The following LHFPL3 variants were observed in gnomAD, a reference collection of about 807,000 sequenced individuals.
The protein encoded by LHFPL3 is LHFPL tetraspan subfamily member 3.
In LHFPL3, 5 loss-of-function variants were observed where a neutral mutation model predicts 19.3. The observed-to-expected ratio is 0.26, with a 90% CI of 0.14 to 0.54. LHFPL3 has a LOEUF of 0.54. Among genes scored for constraint, LHFPL3 ranks in the 20% least tolerant of loss-of-function variants. The pLI is 0.94. For synonymous variants in LHFPL3, 133 were observed against 126.2 expected, an observed-to-expected ratio of 1.05 and a Z score of -0.36; for missense variants, 249 against 307.4, an observed-to-expected ratio of 0.81 and a Z score of 1.42.
At chr7:104,522,392 TG>T (rs1794087762) in intron 1 of LHFPL3, among the ~76,000 whole-genome samples, 1 of 32,004 alleles carries the variant, frequency 3.1e-5, no homozygotes, top group African/African-American at 1.3e-4. Flanking sequence ...TGTTGTGGGG[TG>T]GGGGGAGGGG....
At chr7:104,879,037 G>A (rs557772119) in intron 2 of LHFPL3, among the ~76,000 whole-genome samples, 3 of 152,312 alleles carry the variant, frequency 2.0e-5, no homozygotes, top group East Asian at 3.9e-4. Flanking sequence ...GCTGAGAGAG[G>A]TGAGGAAGTT....
intron 1 of LHFPL3, among the ~76,000 whole-genome samples, chr7:104,666,378 C>G (rs2116011202): frequency 6.6e-6 from 1 of 152,046 alleles, no homozygotes; most frequent in East Asian, 1.9e-4. Context: ...CTCTCTATCT[C>G]TATGAGATCA....
chr7:104,784,639 G>C (rs1789875300), intron 2 of LHFPL3, among the ~76,000 whole-genome samples: 1 of 152,174 alleles, frequency 6.6e-6, no homozygotes, highest in African/African-American at 2.4e-5. Context: ...ATCTCAAAGA[G>C]ATATTTGTAC....
chr7:104,565,243 C>T (rs914412222), intron 1 of LHFPL3, among the ~76,000 whole-genome samples: 3 of 152,158 alleles, frequency 2.0e-5, no homozygotes, highest in Middle Eastern at 3.2e-3. Context: ...CTTTATTCAG[C>T]TCTGTGGCTC....
intron 2 of LHFPL3, among the ~76,000 whole-genome samples, chr7:104,831,200 A>G (rs181622070): frequency 1.8e-4 from 25 of 140,020 alleles, no homozygotes; most frequent in Admixed American, 1.6e-3. Context: ...TCAAAATAGT[A>G]TATCGTCAAG....
rs112734639 is a variant in LHFPL3, at chr7:104,817,452, A to G, written c.682+80541A>G. On this transcript the variant is annotated intron_variant, in intron 2 of 2. Coordinates refer to ENST00000424859, the MANE Select transcript of LHFPL3 (RefSeq NM_199000.3). ...GGAAGTTTTCTCATGTAAACACCAC[A>G]TCTTTAAACAACCTTCCCCTTCAAT... Among the ~76,000 whole-genome samples the G allele has an allele frequency of 1.5e-3, 231 of 152,252 alleles. 4 individuals carry two copies. Among genetic ancestry groups the G allele is most frequent in the African/African-American group, 5.4e-3 (224 of 41,544 alleles).
At chr7:104,646,371 T>C (rs1429586511) in intron 1 of LHFPL3, among the ~76,000 whole-genome samples, 4 of 152,216 alleles carry the variant, frequency 2.6e-5, no homozygotes, top group Non-Finnish European at 5.9e-5. Flanking sequence ...TTAACATTCT[T>C]TAAGCTATCA....
intron 1 of LHFPL3, among the ~76,000 whole-genome samples, chr7:104,709,915 C>T (rs1015844654): frequency 5.9e-5 from 9 of 151,866 alleles, no homozygotes; most frequent in Middle Eastern, 3.4e-3. Flanking sequence ...ACTTCCCAGA[C>T]GGGGTGGCGG....
chr7:104,525,827 G>A (rs932721071), intron 1 of LHFPL3, among the ~76,000 whole-genome samples: 1 of 151,960 alleles, frequency 6.6e-6, no homozygotes, highest in African/African-American at 2.4e-5. Flanking sequence ...GGCTGATCTC[G>A]AACTCCTGAC....
At chr7:104,575,984 G>T (rs931106078) in intron 1 of LHFPL3, among the ~76,000 whole-genome samples, 43 of 152,058 alleles carry the variant, frequency 2.8e-4, no homozygotes, top group African/African-American at 9.9e-4. Flanking sequence ...TGTTTAATAT[G>T]TCCCTCTCCT....
chr7:104,404,030 C>T (rs572106166), intron 1 of LHFPL3, among the ~76,000 whole-genome samples: 1 of 152,278 alleles, frequency 6.6e-6, no homozygotes, highest in Admixed American at 6.5e-5. Context: ...TGTGGCTGCC[C>T]TTGTTCTATA....
intron 1 of LHFPL3, among the ~76,000 whole-genome samples, chr7:104,470,710 A>G (rs1792890298): frequency 6.6e-6 from 1 of 152,182 alleles, no homozygotes. Flanking sequence ...TAGAAATCTG[A>G]ACCCAGGAAG....
intron 2 of LHFPL3, among the ~76,000 whole-genome samples, chr7:104,852,716 G>C (rs1436229523): frequency 6.6e-6 from 1 of 152,230 alleles, no homozygotes; most frequent in Non-Finnish European, 1.5e-5. Context: ...CCCCAGTCTT[G>C]ACATTGTTAA....
chr7:104,702,875 C>T lies in LHFPL3; in HGVS notation c.446-33800C>T, dbSNP rs530225238. Among the ~76,000 whole-genome samples the T allele has an allele frequency of 7.9e-5, 12 of 152,326 alleles. No homozygotes were observed. The East Asian group carries it at 2.3e-3, about 29-fold the overall frequency. On this transcript the variant is annotated intron_variant, in intron 1 of 2. Transcript: ENST00000424859. ...CTCTTCCACATTGTTTCATCATTTACTGCTTGTCTAACTGTTCCCATGCTT... is the reference window on the plus strand; with the variant it reads ...CTCTTCCACATTGTTTCATCATTTATTGCTTGTCTAACTGTTCCCATGCTT...
intron 1 of LHFPL3, among the ~76,000 whole-genome samples, chr7:104,565,861 C>A (rs1316403129): frequency 6.6e-6 from 1 of 152,038 alleles, no homozygotes; most frequent in Non-Finnish European, 1.5e-5. Context: ...TCAACAGAAA[C>A]TCTCGGCTCC....
intron 1 of LHFPL3, among the ~76,000 whole-genome samples, chr7:104,353,740 C>A (rs1473517123): frequency 1.3e-5 from 2 of 152,142 alleles, no homozygotes; most frequent in African/African-American, 2.4e-5. Flanking sequence ...GTTTAAGGAG[C>A]CTTGGAATAT....
At chr7:104,440,994 A>G (rs879702259) in intron 1 of LHFPL3, among the ~76,000 whole-genome samples, 7 of 152,166 alleles carry the variant, frequency 4.6e-5, no homozygotes, top group Non-Finnish European at 8.8e-5. Flanking sequence ...CATCACTTCC[A>G]AAAGTTTCCT....
intron 1 of LHFPL3, among the ~76,000 whole-genome samples, chr7:104,582,376 A>G (rs1436989073): frequency 1.3e-5 from 2 of 152,142 alleles, no homozygotes; most frequent in Admixed American, 6.6e-5. Flanking sequence ...AGAATTCTTC[A>G]GTATTTTCTA....
intron 1 of LHFPL3, among the ~76,000 whole-genome samples, chr7:104,358,450 T>C (rs1790329122): frequency 6.6e-6 from 1 of 152,224 alleles, no homozygotes; most frequent in Non-Finnish European, 1.5e-5. Context: ...TGTTTACCTT[T>C]GTTTTAGCAC....
Sources: gnomAD v4.1 joint callset for allele counts (sites outside exome capture counted in the v4.1 genomes callset) on GRCh38, gnomAD v4.1.1 for gene constraint, MANE v1.5 for transcripts, NCBI Gene and HGNC (gene_info 2026-07-23, HGNC 2026-07-21) for gene names.